Variants in KIRREL3 observed in about 807,000 individuals in gnomAD.
KIRREL3 encodes the protein kin of IRRE-like protein 3.
Under a neutral mutation model 89.7 loss-of-function variants are expected in KIRREL3, and 36 were observed. That is an observed-to-expected ratio of 0.40 (90% confidence interval 0.31 to 0.53). The LOEUF (loss-of-function observed/expected upper bound fraction) is 0.53, where lower values mean the gene tolerates loss of function less well. Ranked by LOEUF, KIRREL3 falls within the 20% of genes least tolerant of loss-of-function variation. The pLI is 0.49. For missense variants in KIRREL3, 864 were observed against 1,056.6 expected (o/e 0.82, Z 2.53); for synonymous variants, 445 against 441.4 (o/e 1.01, Z -0.10).
intron 11 of KIRREL3, among the ~76,000 whole-genome samples, chr11:126,439,287 C>T (rs1337572620): frequency 6.6e-6 from 1 of 151,530 alleles, no homozygotes; most frequent in East Asian, 2.0e-4. Context: ...GCCAAGATTG[C>T]ACCATTGCAC....
chr11:126,711,391 C>T (rs1179298608), intron 1 of KIRREL3, among the ~76,000 whole-genome samples: 3 of 152,136 alleles, frequency 2.0e-5, no homozygotes, highest in African/African-American at 7.2e-5. Flanking sequence ...GAACCCCCCA[C>T]CTCTACTAAA....
intron 1 of KIRREL3, among the ~76,000 whole-genome samples, chr11:126,733,193 G>C (rs1006217488): frequency 6.6e-6 from 1 of 152,204 alleles, no homozygotes; most frequent in Non-Finnish European, 1.5e-5. Context: ...GAGCCTTTAA[G>C]GCAAGGTGGG....
At chr11:126,738,137 C>T (rs1221574351) in intron 1 of KIRREL3, among the ~76,000 whole-genome samples, 1 of 152,168 alleles carries the variant, frequency 6.6e-6, no homozygotes, top group Non-Finnish European at 1.5e-5. Context: ...CCTAGACCTT[C>T]CGATATGCCA....
rs1565402279 is a variant in KIRREL3, at chr11:126,904,369, G to A, written c.55+96086C>T. On this transcript the variant is annotated intron_variant, in intron 1 of 16. Transcript: ENST00000525144. The surrounding 1 kb of genome is among the most constrained non-coding windows in gnomAD (Gnocchi z 4.4). ...TATTTTGCCATTGCTAGTTAAATTG[G>A]GTCTTGATGTTTACTGCATCTCTGA... Among the ~76,000 whole-genome samples the A allele has an allele frequency of 6.6e-6, 1 of 152,078 alleles. No homozygotes were observed. The highest frequency in any genetic ancestry group is 1.5e-5 in the Non-Finnish European group (1 of 68,028).
rs1942870566 is a variant in KIRREL3, at chr11:126,605,922, T to C, written c.56-43010A>G. On this transcript the variant is annotated intron_variant, in intron 1 of 16. Coordinates refer to ENST00000525144, the MANE Select transcript of KIRREL3 (RefSeq NM_032531.4). This position sits in a 1 kb window ranked among gnomAD's most constrained non-coding sequence, Gnocchi z 5.7. ...AACCTTGGAGGTTCCTCCTGTTCAT[T>C]CTCTGCCTCAGGGAAGTGACACACA... 6.6e-6 allele frequency among the ~76,000 whole-genome samples: 1 copy of C among 152,168 alleles called. No individual in the cohort carries two copies. The highest frequency in any genetic ancestry group is 6.5e-5 in the Admixed American group (1 of 15,282).
At chr11:126,848,800 G>A (rs1944236806) in intron 1 of KIRREL3, among the ~76,000 whole-genome samples, 1 of 152,126 alleles carries the variant, frequency 6.6e-6, no homozygotes, top group South Asian at 2.1e-4. Flanking sequence ...AATGGCCCTT[G>A]ACATACCAAA....
rs1216613037 is a variant in KIRREL3 at position 126,424,603 on chromosome 11, G to A, written c.2314C>T (p.Arg772Trp). 10 of 1,613,936 alleles carry A rather than the reference G, an allele frequency of 6.2e-6. No individual in the cohort carries two copies. The highest frequency in any genetic ancestry group is 4.5e-5 in the East Asian group (2 of 44,870). Residue 772 changes from arginine to tryptophan, a missense_variant, in exon 17 of 17, where the codon CGG becomes TGG. By Grantham distance (101) the Arg-to-Trp change is moderately radical. Coordinates refer to ENST00000525144, the MANE Select transcript of KIRREL3 (RefSeq NM_032531.4). ...CCTTAGACGTGAGTCTGCATCCGCC[G>A]CTGCAGGGGTCGACTGGGGTCAGAG... ...QNSDPSRPLQRRMQTHV is the reference protein window; with the variant it reads ...QNSDPSRPLQWRMQTHV
At chr11:126,956,809 G>A (rs752803493) in intron 1 of KIRREL3, among the ~76,000 whole-genome samples, 46 of 152,244 alleles carry the variant, frequency 3.0e-4, no homozygotes, top group Non-Finnish European at 5.1e-4. Context: ...ACAATGCACC[G>A]TTATGGCCTG....
chr11:126,994,498 G>T lies in KIRREL3; in HGVS notation c.55+5957C>A, dbSNP rs488054. 0.2 allele frequency among the ~76,000 whole-genome samples: 31,079 copies of T among 152,178 alleles called. 3,872 individuals are homozygous for T. Among genetic ancestry groups the T allele is most frequent in the African/African-American group, 0.34 (13,971 of 41,468 alleles). On this transcript the variant is annotated intron_variant, in intron 1 of 16. Coordinates refer to ENST00000525144, the MANE Select transcript of KIRREL3 (RefSeq NM_032531.4). This position sits in a 1 kb window ranked among gnomAD's most constrained non-coding sequence, Gnocchi z 5.2. ...GTTCATAGTGGTGTTGACTGTGTAC[G>T]CACTGAAACATTGTATGCTTATGGA...
Position 126,993,576 on chromosome 11 carries a change from C to T in KIRREL3, c.55+6879G>A, listed in dbSNP as rs926526693. ...GAACCCATCATATTGTAACCTTAAT[C>T]GAAGTGTCTGCTCCCCAACCAGACT... On this transcript the variant is annotated intron_variant, in intron 1 of 16. Transcript: ENST00000525144. The surrounding 1 kb of genome is among the most constrained non-coding windows in gnomAD (Gnocchi z 6.1). Among the ~76,000 whole-genome samples the T allele has an allele frequency of 1.7e-4, 26 of 152,274 alleles. 1 individual carries two copies. The highest frequency in any genetic ancestry group is 4.3e-4 in the African/African-American group (18 of 41,554).
In KIRREL3 at chr11:126,867,752, C is replaced by A. The variant is rs1944971458; in HGVS notation, c.55+132703G>T. Among the ~76,000 whole-genome samples, 1 of 152,152 alleles carries A rather than the reference C, an allele frequency of 6.6e-6. No individual in the cohort carries two copies. The highest frequency in any genetic ancestry group is 2.1e-4 in the South Asian group (1 of 4,822). ...AAGTTGGCCAGAATCTGAACCCAGA[C>A]TTTCTGCCTTTTTTATGAGCCTTTA... On this transcript the variant is annotated intron_variant, in intron 1 of 16. Coordinates refer to ENST00000525144, the MANE Select transcript of KIRREL3 (RefSeq NM_032531.4). This position sits in a 1 kb window ranked among gnomAD's most constrained non-coding sequence, Gnocchi z 4.7.
intron 1 of KIRREL3, among the ~76,000 whole-genome samples, chr11:126,793,539 G>A (rs1328602584): frequency 6.6e-6 from 1 of 152,162 alleles, no homozygotes; most frequent in African/African-American, 2.4e-5. Context: ...CCTGCAGAAG[G>A]TGCATGGCCA....
rs925345819 is a variant in KIRREL3, at chr11:126,628,012, T to G, written c.56-65100A>C. Among the ~76,000 whole-genome samples, 131 of 152,370 alleles carry G rather than the reference T, an allele frequency of 8.6e-4. No individual in the cohort carries two copies. Among genetic ancestry groups the G allele is most frequent in the African/African-American group, 2.6e-3 (107 of 41,588 alleles). On this transcript the variant is annotated intron_variant, in intron 1 of 16. Transcript: ENST00000525144. The surrounding 1 kb of genome is among the most constrained non-coding windows in gnomAD (Gnocchi z 5.2). ...TCCCAGCTCTACCTATCCTGAAGTT[T>G]GTTGAGTGGTTCTAATGAGCAAATG... is the stretch of plus-strand genomic sequence containing the variant.
Position 126,614,480 on chromosome 11 carries a change from A to G in KIRREL3, c.56-51568T>C, listed in dbSNP as rs1943263357. 6.6e-6 allele frequency among the ~76,000 whole-genome samples: 1 copy of G among 152,190 alleles called. No homozygotes were observed. Among genetic ancestry groups the G allele is most frequent in the Non-Finnish European group, 1.5e-5 (1 of 68,024 alleles). ...TGCCCTGGAGAGCTTTGAAAACTAC[A>G]GTGATACTCAGGCCCTTAGATCAAT... On this transcript the variant is annotated intron_variant, in intron 1 of 16. Coordinates refer to ENST00000525144, the MANE Select transcript of KIRREL3 (RefSeq NM_032531.4). The surrounding 1 kb of genome is among the most constrained non-coding windows in gnomAD (Gnocchi z 4.6).
rs1943056662 is a variant in KIRREL3 at position 126,610,014 on chromosome 11, G to A, written c.56-47102C>T. Among the ~76,000 whole-genome samples, 1 of 152,148 alleles carries A rather than the reference G, an allele frequency of 6.6e-6. No homozygotes were observed. Among genetic ancestry groups the A allele is most frequent in the African/African-American group, 2.4e-5 (1 of 41,426 alleles). On this transcript the variant is annotated intron_variant, in intron 1 of 16. Transcript: ENST00000525144. This position sits in a 1 kb window ranked among gnomAD's most constrained non-coding sequence, Gnocchi z 4.6. ...AGATGAAGAAACTGAGGCTCAGGGAGGTTAAGTAAATGAGGCCGAAGTCAC... is the reference window on the plus strand; with the variant it reads ...AGATGAAGAAACTGAGGCTCAGGGAAGTTAAGTAAATGAGGCCGAAGTCAC...
In KIRREL3 at chr11:126,729,622, C is replaced by T. The variant is rs184267102; in HGVS notation, c.56-166710G>A. ...TCCCTGGCATTTTGCTGCTGGAGCA[C>T]GGAAGCAGTGCTGGCCAGGAGCTCA... On this transcript the variant is annotated intron_variant, in intron 1 of 16. Coordinates refer to ENST00000525144, the MANE Select transcript of KIRREL3 (RefSeq NM_032531.4). This position sits in a 1 kb window ranked among gnomAD's most constrained non-coding sequence, Gnocchi z 4.5. Among the ~76,000 whole-genome samples the T allele has an allele frequency of 1.2e-4, 18 of 152,252 alleles. No individual in the cohort carries two copies. The highest frequency in any genetic ancestry group is 5.9e-4 in the Admixed American group (9 of 15,296).
intron 1 of KIRREL3, among the ~76,000 whole-genome samples, chr11:126,751,684 TAGTG>T (rs1337547996): frequency 6.7e-6 from 1 of 148,586 alleles, no homozygotes; most frequent in Non-Finnish European, 1.5e-5. Context: ...AAAAAGAAAA[TAGTG>T]AGAACTATTG....
intron 1 of KIRREL3, among the ~76,000 whole-genome samples, chr11:126,984,941 A>G (rs561883566): frequency 1.3e-5 from 2 of 152,298 alleles, no homozygotes; most frequent in Admixed American, 1.3e-4. Context: ...CACTACCTGT[A>G]TGACTTTAGA....
Position 126,537,569 on chromosome 11 carries a change from C to T in KIRREL3, c.134-10882G>A, listed in dbSNP as rs935074891. 1.3e-5 allele frequency among the ~76,000 whole-genome samples: 2 copies of T among 152,060 alleles called. No individual in the cohort carries two copies. The highest frequency in any genetic ancestry group is 1.5e-5 in the Non-Finnish European group (1 of 68,002). On this transcript the variant is annotated intron_variant, in intron 2 of 16. Transcript: ENST00000525144. The surrounding 1 kb of genome is among the most constrained non-coding windows in gnomAD (Gnocchi z 4.3). ...CTGTCACCTGCCTGGAGTACCTAAC[C>T]GATGGGTCACCTGTCGGAGCCTGGG... is the stretch of plus-strand genomic sequence containing the variant.
Sources: allele counts gnomAD v4.1 joint callset (sites outside exome capture counted in the v4.1 genomes callset), GRCh38; gene constraint gnomAD v4.1.1; non-coding constraint Gnocchi (gnomAD v3.1); transcripts MANE v1.5; gene names NCBI Gene and HGNC (gene_info 2026-07-23, HGNC 2026-07-21).